Variants in WWTR1 observed in about 807,000 individuals in gnomAD.
WWTR1 encodes WW domain containing transcription regulator 1.
WWTR1 carries 13 observed loss-of-function variants against 40.1 expected under a neutral mutation model. The observed-to-expected ratio is 0.32, with a 90% confidence interval of 0.21 to 0.52. WWTR1 has a LOEUF of 0.52. Among genes scored for constraint, WWTR1 ranks in the 20% least tolerant of loss-of-function variants. The pLI is 0.97. For synonymous variants in WWTR1, 230 were observed against 210.1 expected (o/e 1.09, Z -0.82); for missense variants, 436 against 523.1 (o/e 0.83, Z 1.63).
At chr3:149,559,953 C>G (rs542177374) in intron 3 of WWTR1, among the ~76,000 whole-genome samples, 4 of 152,152 alleles carry the variant, frequency 2.6e-5, no homozygotes, top group African/African-American at 9.7e-5. Flanking sequence ...TCAGAAGAAA[C>G]GCCACTGGAT....
At position 149,551,767 on chromosome 3, in the gene WWTR1, C is replaced by T. The variant is rs1471814895; in HGVS notation, c.569-9230G>A. On this transcript the variant is annotated intron_variant, in intron 3 of 6. Transcript: ENST00000360632. Reference sequence around the variant, plus strand: ...AGGGCTAACTCAGGGCAGCAGAACTCAAATTTCCTATTTCCACCCTAATGC... The same window carrying T: ...AGGGCTAACTCAGGGCAGCAGAACTTAAATTTCCTATTTCCACCCTAATGC... Among the ~76,000 whole-genome samples the T allele has an allele frequency of 1.4e-5, 2 of 145,310 alleles. 1 individual carries two copies. Among genetic ancestry groups the T allele is most frequent in the African/African-American group, 5.2e-5 (2 of 38,190 alleles).
rs970965419 is a variant in WWTR1, at chr3:149,568,505, G to C, written c.568+4359C>G. On this transcript the variant is annotated intron_variant, in intron 3 of 6. Transcript: ENST00000360632. The stretch of plus-strand genomic sequence containing the variant: ...TTTAAGCTAGACGAAACTGGAGATG[G>C]CTATTTGAATTAAAGTGCAAAAAAA... Among the ~76,000 whole-genome samples, 4 of 114,918 alleles carry C rather than the reference G, an allele frequency of 3.5e-5. No homozygotes were observed. In the South Asian group the frequency reaches 1.1e-3, roughly 33 times the overall value. 75.4% of individuals were successfully genotyped at this position (114,918 alleles called of 152,430 possible).
upstream of WWTR1, among the ~76,000 whole-genome samples, chr3:149,705,941 C>T (rs1186663526): frequency 6.6e-6 from 1 of 152,182 alleles, no homozygotes; most frequent in Non-Finnish European, 1.5e-5. Context: ...TCTGTAATCC[C>T]AGCACTGTGG....
intron 2 of WWTR1, among the ~76,000 whole-genome samples, chr3:149,638,118 A>G (rs1020102730): frequency 3.9e-5 from 6 of 152,308 alleles, no homozygotes; most frequent in Admixed American, 3.9e-4. Context: ...TGGGAGGCTG[A>G]GGCAGGAGAA....
intron 3 of WWTR1, among the ~76,000 whole-genome samples, chr3:149,561,749 G>A (rs1435324188): frequency 6.6e-6 from 1 of 152,140 alleles, no homozygotes; most frequent in East Asian, 1.9e-4. Context: ...TAATTTGGAA[G>A]GCTCTCTAAG....
chr3:149,644,998 A>G (rs994314219), intron 2 of WWTR1, among the ~76,000 whole-genome samples: 4 of 151,980 alleles, frequency 2.6e-5, no homozygotes, highest in Non-Finnish European at 4.4e-5. Context: ...GATTACAGGT[A>G]CACGCCACCA....
chr3:149,562,905 G>T (rs963567764), intron 3 of WWTR1, among the ~76,000 whole-genome samples: 1 of 152,028 alleles, frequency 6.6e-6, no homozygotes, highest in Non-Finnish European at 1.5e-5. Flanking sequence ...ACACACAGGC[G>T]GGAGCAATAT....
At chr3:149,678,435 T>C (rs1469832816) in intron 1 of WWTR1, among the ~76,000 whole-genome samples, 2 of 152,178 alleles carry the variant, frequency 1.3e-5, no homozygotes, top group African/African-American at 4.8e-5. Context: ...TAATGGCCAG[T>C]AGTACATTCT....
chr3:149,652,914 G>A (rs565868959), intron 2 of WWTR1, among the ~76,000 whole-genome samples: 1 of 152,018 alleles, frequency 6.6e-6, no homozygotes, highest in African/African-American at 2.4e-5. Flanking sequence ...GCCTTGAGGA[G>A]GTGAAGGAAA....
chr3:149,611,619 A>C (rs540048003), intron 2 of WWTR1, among the ~76,000 whole-genome samples: 1 of 152,336 alleles, frequency 6.6e-6, no homozygotes, highest in Admixed American at 6.5e-5. Flanking sequence ...TCATATTGTG[A>C]GGGGCAGAAT....
At position 149,667,409 on chromosome 3, in the gene WWTR1, G is replaced by A. The variant is rs191746364; in HGVS notation, c.-4+2379C>T. The stretch of plus-strand genomic sequence containing the variant: ...AAAAAATACAAAAAATTAGCAGGAC[G>A]TGGTGGTGGGCACCTGTAGTCCCAG... On this transcript the variant is annotated intron_variant, in intron 2 of 7. Transcript: ENST00000465804. Among the ~76,000 whole-genome samples the A allele has an allele frequency of 5.9e-5, 9 of 152,038 alleles. No individual in the cohort carries two copies. In the South Asian group the frequency reaches 6.2e-4, roughly 11 times the overall value.
intron 2 of WWTR1, among the ~76,000 whole-genome samples, chr3:149,578,731 C>T (rs1377983795): frequency 6.6e-6 from 1 of 152,068 alleles, no homozygotes; most frequent in Non-Finnish European, 1.5e-5. Context: ...AACCCTGTCT[C>T]TACTAAAAAT....
chr3:149,631,916 C>A (rs1711562639), intron 2 of WWTR1, among the ~76,000 whole-genome samples: 1 of 152,052 alleles, frequency 6.6e-6, no homozygotes, highest in African/African-American at 2.4e-5. Flanking sequence ...GAACTTTAAG[C>A]ACTTTATTTA....
At chr3:149,606,062 C>T (rs1005102213) in intron 2 of WWTR1, among the ~76,000 whole-genome samples, 1 of 152,164 alleles carries the variant, frequency 6.6e-6, no homozygotes, top group African/African-American at 2.4e-5. Context: ...CTTGTTTATC[C>T]CTTCTACCAT....
intron 2 of WWTR1, among the ~76,000 whole-genome samples, chr3:149,641,877 G>A (rs190318248): frequency 3.3e-5 from 5 of 152,256 alleles, no homozygotes; most frequent in Admixed American, 2.6e-4. Context: ...GCTTTCCAAG[G>A]CCCAAAGCAC....
chr3:149,571,859 C>A (rs1737647870), intron 3 of WWTR1, among the ~76,000 whole-genome samples: 1 of 152,180 alleles, frequency 6.6e-6, no homozygotes, highest in Middle Eastern at 3.4e-3. Context: ...TTAAAATTGG[C>A]CCTTTTTTAT....
intron 2 of WWTR1, among the ~76,000 whole-genome samples, chr3:149,646,419 G>A (rs529611354): frequency 6.6e-6 from 1 of 152,170 alleles, no homozygotes; most frequent in Non-Finnish European, 1.5e-5. Context: ...TCACCTACTT[G>A]GATGTCATAG....
chr3:149,684,163 A>G (rs1714551107), intron 1 of WWTR1, among the ~76,000 whole-genome samples: 1 of 151,828 alleles, frequency 6.6e-6, no homozygotes. Context: ...ATTTTTTAAC[A>G]TTTTTTATTT....
rs372705084 is a variant in WWTR1, at chr3:149,591,203, A to G, written c.432-18203T>C. Among the ~76,000 whole-genome samples the G allele has an allele frequency of 3.9e-5, 6 of 152,312 alleles. No individual in the cohort carries two copies. In the East Asian group the frequency reaches 9.6e-4, roughly 24 times the overall value. ...CACTATGACCTAAAAGGAAGAGGTA[A>G]AAGGACTCTGAAGATAGATTTGGAG... On this transcript the variant is annotated intron_variant, in intron 2 of 6. Transcript: ENST00000360632.
Sources: allele counts gnomAD v4.1 joint callset (sites outside exome capture counted in the v4.1 genomes callset), GRCh38; gene constraint gnomAD v4.1.1; transcripts MANE v1.5; gene names NCBI Gene and HGNC (gene_info 2026-07-23, HGNC 2026-07-21).